Variants in RAD51B observed in about 807,000 individuals in gnomAD.
RAD51B encodes DNA repair protein RAD51 homolog 2.
A neutral mutation model predicts 42.2 loss-of-function variants in RAD51B; 38 were observed. That is an observed-to-expected ratio of 0.90 (90% CI 0.70 to 1.18). The LOEUF (loss-of-function observed/expected upper bound fraction) is 1.18, where lower values mean the gene tolerates loss of function less well. Among genes scored for constraint, RAD51B ranks in the 50% most tolerant of loss-of-function variants. RAD51B has a pLI of 0.00. For synonymous variants in RAD51B, 154 were observed against 145.2 expected, an observed-to-expected ratio of 1.06 and a Z score of -0.43; for missense variants, 373 against 400.7, an observed-to-expected ratio of 0.93 and a Z score of 0.59.
intron 7 of RAD51B, among the ~76,000 whole-genome samples, chr14:68,103,871 A>C (rs1346026130): frequency 2.6e-5 from 4 of 152,208 alleles, no homozygotes; most frequent in Non-Finnish European, 5.9e-5. Flanking sequence ...ACTGCTGTAA[A>C]AATGTAGGGA....
chr14:67,988,384 G>A (rs939153315), intron 7 of RAD51B, among the ~76,000 whole-genome samples: 3 of 152,006 alleles, frequency 2.0e-5, no homozygotes, highest in Non-Finnish European at 2.9e-5. Flanking sequence ...GCTTGAACAT[G>A]GTAAGCGGAA....
chr14:68,421,928 G>T (rs909982634), intron 9 of RAD51B: 2 of 1,568,432 alleles, frequency 1.3e-6, no homozygotes, highest in Non-Finnish European at 1.8e-6. Flanking sequence ...TATGCTTTAG[G>T]ATGAAGTTCT....
At chr14:68,534,623 A>G (rs996301704) in intron 10 of RAD51B, among the ~76,000 whole-genome samples, 1 of 152,214 alleles carries the variant, frequency 6.6e-6, no homozygotes, top group Middle Eastern at 3.2e-3. Flanking sequence ...GCGAAGATGA[A>G]CAGAATGTTC....
intron 7 of RAD51B, among the ~76,000 whole-genome samples, chr14:67,985,792 C>A (rs911708685): frequency 6.6e-5 from 10 of 151,808 alleles, no homozygotes; most frequent in African/African-American, 2.4e-4. Context: ...TCCCTGTAGT[C>A]CCAGCTACTT....
At chr14:68,310,531 G>A (rs2081950189) in intron 8 of RAD51B, among the ~76,000 whole-genome samples, 1 of 152,138 alleles carries the variant, frequency 6.6e-6, no homozygotes, top group South Asian at 2.1e-4. Context: ...GGTGTGAGGG[G>A]GAAGGGGGCA....
At chr14:67,874,422 AT>A (rs35854324) in intron 5 of RAD51B, among the ~76,000 whole-genome samples, 31 of 149,252 alleles carry the variant, frequency 2.1e-4, no homozygotes, top group Middle Eastern at 3.4e-3. Flanking sequence ...TTTTTTTGTG[AT>A]TTTTTTTTTT....
intron 10 of RAD51B, chr14:68,562,966 C>T (rs1889228493): frequency 2.0e-6 from 2 of 985,340 alleles, no homozygotes; most frequent in African/African-American, 1.7e-5. Context: ...TAGTGTGCTC[C>T]ACGGAAGGCC....
intron 5 of RAD51B, among the ~76,000 whole-genome samples, chr14:67,878,333 A>G (rs924659046): frequency 1.3e-5 from 2 of 152,086 alleles, no homozygotes; most frequent in African/African-American, 2.4e-5. Context: ...TTCATTGTCC[A>G]TTTATATTTC....
intron 7 of RAD51B, among the ~76,000 whole-genome samples, chr14:68,213,610 C>T (rs941913120): frequency 6.6e-6 from 1 of 152,100 alleles, no homozygotes; most frequent in Admixed American, 6.5e-5. Context: ...TCAATACTAA[C>T]GTATACCTAC....
intron 10 of RAD51B, among the ~76,000 whole-genome samples, chr14:68,568,805 C>T (rs1889550604): frequency 6.8e-6 from 1 of 147,966 alleles, no homozygotes; most frequent in Admixed American, 6.6e-5. Flanking sequence ...TCTTCTTCCT[C>T]TGCCCTCTCT....
chr14:68,324,812 C>T (rs950294644), intron 8 of RAD51B, among the ~76,000 whole-genome samples: 3 of 152,176 alleles, frequency 2.0e-5, no homozygotes, highest in Non-Finnish European at 4.4e-5. Flanking sequence ...TCTACTCATG[C>T]TTTACTTCGG....
chr14:68,679,549 T>C (rs1469811421), intron 11 of RAD51B, among the ~76,000 whole-genome samples: 1 of 152,244 alleles, frequency 6.6e-6, no homozygotes, highest in Non-Finnish European at 1.5e-5. Flanking sequence ...GGTGATCACA[T>C]GAACTGGTGT....
chr14:67,946,115 G>A (rs2045382314), intron 7 of RAD51B, among the ~76,000 whole-genome samples: 1 of 152,162 alleles, frequency 6.6e-6, no homozygotes, highest in African/African-American at 2.4e-5. Context: ...CCAAAATAGA[G>A]TTTTGGAACT....
At chr14:68,013,287 A>G (rs2075717876) in intron 7 of RAD51B, among the ~76,000 whole-genome samples, 1 of 152,172 alleles carries the variant, frequency 6.6e-6, no homozygotes, top group African/African-American at 2.4e-5. Context: ...AGATAGGCAG[A>G]AGCTATATCC....
intron 7 of RAD51B, among the ~76,000 whole-genome samples, chr14:68,159,107 A>G (rs2078579812): frequency 6.6e-6 from 1 of 152,116 alleles, no homozygotes; most frequent in Non-Finnish European, 1.5e-5. Context: ...GCTTAAAATG[A>G]GTAGCCCTTT....
chr14:68,183,953 G>A (rs1359786846), intron 7 of RAD51B, among the ~76,000 whole-genome samples: 2 of 136,454 alleles, frequency 1.5e-5, no homozygotes, highest in African/African-American at 2.8e-5. Flanking sequence ...TTAGGCGGGC[G>A]TGGTGGCGGG....
chr14:68,643,844 G>A (rs1053390500), intron 10 of RAD51B, among the ~76,000 whole-genome samples: 2 of 152,128 alleles, frequency 1.3e-5, no homozygotes, highest in South Asian at 2.1e-4. Flanking sequence ...ACAGAGTTTT[G>A]CAGGTTCCCA....
At chr14:68,267,892 T>C (rs2081024998) in intron 7 of RAD51B, among the ~76,000 whole-genome samples, 1 of 152,160 alleles carries the variant, frequency 6.6e-6, no homozygotes, top group Admixed American at 6.5e-5. Flanking sequence ...ATTCTGGGAT[T>C]GTCAGTTTTA....
intron 7 of RAD51B, among the ~76,000 whole-genome samples, chr14:67,963,706 A>G (rs558823436): frequency 2.0e-5 from 3 of 152,296 alleles, no homozygotes; most frequent in African/African-American, 4.8e-5. Context: ...AATCCTTCCA[A>G]GAAATAAACA....
Sources: allele counts gnomAD v4.1 joint callset (sites outside exome capture counted in the v4.1 genomes callset), GRCh38; gene constraint gnomAD v4.1.1; transcripts MANE v1.5; gene names NCBI Gene and HGNC (gene_info 2026-07-23, HGNC 2026-07-21).